Variants in MGMT observed in about 807,000 individuals in gnomAD.
MGMT encodes the protein O-6-methylguanine-DNA methyltransferase, also known as methylated-DNA--protein-cysteine methyltransferase.
MGMT carries 14 observed loss-of-function variants against 15.9 expected under a neutral mutation model. The ratio of observed to expected loss-of-function variants is 0.88; its 90% CI spans 0.58 to 1.37. The LOEUF is 1.37. Ranked by LOEUF, MGMT falls within the 40% of genes most tolerant of loss-of-function variation. The pLI is 0.00. For missense variants in MGMT, 282 were observed against 268.1 expected, an observed-to-expected ratio of 1.05 and a Z score of -0.36; for synonymous variants, 130 against 118.2, an observed-to-expected ratio of 1.10 and a Z score of -0.65.
intron 2 of MGMT, among the ~76,000 whole-genome samples, chr10:129,582,983 G>T (rs756937790): frequency 2.0e-5 from 3 of 152,036 alleles, no homozygotes; most frequent in African/African-American, 7.2e-5. Flanking sequence ...CCTAAATATC[G>T]GCTTTATTCT....
intron 1 of MGMT, among the ~76,000 whole-genome samples, chr10:129,503,018 G>A (rs576246054): frequency 1.3e-5 from 2 of 152,036 alleles, no homozygotes; most frequent in Admixed American, 6.5e-5. Context: ...TTGTAAAGTC[G>A]TATTTGTTTA....
chr10:129,691,168 A>G (rs1332540888), intron 2 of MGMT, among the ~76,000 whole-genome samples: 2 of 152,120 alleles, frequency 1.3e-5, no homozygotes. Flanking sequence ...TTGCCTAAGG[A>G]GTTAGAGGTG....
At chr10:129,484,941 ATG>A (rs1281132243) in intron 1 of MGMT, among the ~76,000 whole-genome samples, 1 of 151,732 alleles carries the variant, frequency 6.6e-6, no homozygotes, top group African/African-American at 2.4e-5. Context: ...ATATATATGT[ATG>A]TGTGTATTTT....
intron 2 of MGMT, among the ~76,000 whole-genome samples, chr10:129,658,535 C>T (rs1342304242): frequency 1.3e-5 from 2 of 152,140 alleles, no homozygotes; most frequent in Non-Finnish European, 2.9e-5. Flanking sequence ...ATGTTATTCC[C>T]ATTAACGTCA....
At chr10:129,651,504 T>C (rs946386285) in intron 2 of MGMT, among the ~76,000 whole-genome samples, 1 of 152,222 alleles carries the variant, frequency 6.6e-6, no homozygotes, top group African/African-American at 2.4e-5. Context: ...TGCCCCTTTT[T>C]ATTCCGTTTA....
At chr10:129,468,146 C>T (rs1845191197) in intron 1 of MGMT, among the ~76,000 whole-genome samples, 1 of 152,148 alleles carries the variant, frequency 6.6e-6, no homozygotes, top group East Asian at 1.9e-4. Flanking sequence ...AAATAGAAAC[C>T]TATAGAGTAT....
intron 3 of MGMT, among the ~76,000 whole-genome samples, chr10:129,720,014 A>G (rs779296548): frequency 1.2e-3 from 177 of 152,208 alleles, no homozygotes; most frequent in Admixed American, 1.9e-3. Context: ...GGCCGTTATT[A>G]GGAAGTGCTG....
intron 3 of MGMT, among the ~76,000 whole-genome samples, chr10:129,736,788 G>C (rs1276491767): frequency 6.6e-6 from 1 of 151,490 alleles, no homozygotes; most frequent in Non-Finnish European, 1.5e-5. Flanking sequence ...TTGCTTGTCT[G>C]TAAAGTATTT....
At position 129,715,895 on chromosome 10, in the gene MGMT, C is replaced by G. The variant is rs184913550; in HGVS notation, c.274+7852C>G. 1.8e-3 allele frequency among the ~76,000 whole-genome samples: 277 copies of G among 152,282 alleles called. 2 individuals are homozygous for G. The highest frequency in any genetic ancestry group is 6.3e-3 in the African/African-American group (260 of 41,564). The stretch of plus-strand genomic sequence containing the variant: ...CTCGGAATATAAGATTCATGAGTCT[C>G]TGTCCCTCTTTATATGTTGTTTCAT... On this transcript the variant is annotated intron_variant, in intron 3 of 4. Transcript: ENST00000651593.
intron 2 of MGMT, among the ~76,000 whole-genome samples, chr10:129,612,236 T>C (rs942563079): frequency 1.3e-4 from 20 of 152,220 alleles, no homozygotes; most frequent in Non-Finnish European, 2.6e-4. Context: ...ATGCAAGTTC[T>C]TATTTGTGGA....
chr10:129,599,831 A>G (rs1846797208), intron 2 of MGMT, among the ~76,000 whole-genome samples: 1 of 152,114 alleles, frequency 6.6e-6, no homozygotes. Flanking sequence ...TCCTTTCTTC[A>G]CCAGGGAGAT....
At chr10:129,705,056 A>C (rs1048175846) in intron 2 of MGMT, among the ~76,000 whole-genome samples, 4 of 152,212 alleles carry the variant, frequency 2.6e-5, no homozygotes, top group African/African-American at 9.6e-5. Context: ...ACACGGGTGC[A>C]GTTCTGTGCC....
chr10:129,604,379 C>A (rs1036445086), intron 2 of MGMT, among the ~76,000 whole-genome samples: 6 of 152,128 alleles, frequency 3.9e-5, no homozygotes, highest in Non-Finnish European at 8.8e-5. Context: ...AAAAAAAATT[C>A]TTTACATATG....
chr10:129,622,918 G>A (rs1169407908), intron 2 of MGMT, among the ~76,000 whole-genome samples: 3 of 152,294 alleles, frequency 2.0e-5, no homozygotes, highest in South Asian at 4.1e-4. Context: ...GCCCCGTTTC[G>A]TTGGCTGGCA....
chr10:129,597,092 C>T (rs1298865910), intron 2 of MGMT, among the ~76,000 whole-genome samples: 1 of 152,206 alleles, frequency 6.6e-6, no homozygotes, highest in Non-Finnish European at 1.5e-5. Flanking sequence ...GCGCAACAAA[C>T]TGATACCTTG....
intron 2 of MGMT, among the ~76,000 whole-genome samples, chr10:129,613,063 T>C (rs1467405937): frequency 2.6e-5 from 4 of 152,202 alleles, no homozygotes; most frequent in Non-Finnish European, 5.9e-5. Flanking sequence ...CCATTATTCA[T>C]TCCTGTTCAC....
At chr10:129,630,752 G>T (rs1847200783) in intron 2 of MGMT, among the ~76,000 whole-genome samples, 1 of 152,240 alleles carries the variant, frequency 6.6e-6, no homozygotes, top group Admixed American at 6.5e-5. Flanking sequence ...AACTGGCAAA[G>T]GCTGCTAAAT....
chr10:129,506,344 C>T (rs2119686855), intron 1 of MGMT, among the ~76,000 whole-genome samples: 2 of 152,312 alleles, frequency 1.3e-5, no homozygotes, highest in South Asian at 4.1e-4. Flanking sequence ...CATGGCATCC[C>T]ATCCTCTTGG....
At chr10:129,567,250 G>A (rs955993743) in intron 2 of MGMT, among the ~76,000 whole-genome samples, 5 of 152,122 alleles carry the variant, frequency 3.3e-5, no homozygotes, top group Non-Finnish European at 7.4e-5. Flanking sequence ...ACCTAGGAAA[G>A]TAGTTCTCAG....
Sources: allele counts gnomAD v4.1 joint callset (sites outside exome capture counted in the v4.1 genomes callset), GRCh38; gene constraint gnomAD v4.1.1; transcripts MANE v1.5; gene names NCBI Gene and HGNC (gene_info 2026-07-23, HGNC 2026-07-21).